The following DST variants were observed in gnomAD, a reference collection of about 807,000 sequenced individuals.
DST encodes dystonin.
A neutral mutation model predicts 875.2 loss-of-function variants in DST; 253 were observed. That is an observed-to-expected ratio of 0.29 (90% CI 0.26 to 0.32). DST has a LOEUF of 0.32. Ranked by LOEUF, DST falls within the 10% of genes least tolerant of loss-of-function variation. The pLI is 1.00. For synonymous variants in DST, 3,124 were observed against 3,197.1 expected (o/e 0.98, Z 0.77); for missense variants, 8,287 against 9,111.6 (o/e 0.91, Z 3.68).
Position 56,606,563 on chromosome 6 carries a change from G to A in DST, c.8065C>T (p.Gln2689Ter). Residue 2689 changes from glutamine to a stop codon, truncating the protein, a stop_gained, in exon 40 of 104, where the codon CAG becomes TAG. Coordinates refer to ENST00000680361, the MANE Select transcript of DST (RefSeq NM_001374736.1). LOFTEE classifies it high-confidence loss of function. ...TTCTCAACATCCATAAGGAAATCCT[G>A]AAGACAATGTGCTTTGTTCTTCACA... ...LSVKNKAHCLQDFLMDVEKDE... is the reference protein window; with the variant it reads ...LSVKNKAHCL The A allele has an allele frequency of 6.2e-7, 1 of 1,613,490 alleles. No homozygotes were observed. The highest frequency in any genetic ancestry group is 8.5e-7 in the Non-Finnish European group (1 of 1,179,624).
chr6:56,518,958 G>A (rs771150472), intron 69 of DST, among the ~76,000 whole-genome samples: 3 of 152,150 alleles, frequency 2.0e-5, no homozygotes, highest in Admixed American at 6.5e-5. Context: ...GCCAACTCAT[G>A]GGAAGATGGA....
intron 82 of DST, among the ~76,000 whole-genome samples, chr6:56,496,816 A>G (rs1463648772): frequency 1.3e-5 from 2 of 152,176 alleles, no homozygotes; most frequent in African/African-American, 4.8e-5. Context: ...CATATACACC[A>G]TGGAATACTA....
At chr6:56,602,055 G>A in intron 43 of DST, 1 of 404,034 alleles carries the variant, frequency 2.5e-6, no homozygotes, top group Admixed American at 3.6e-5. Flanking sequence ...ATGTAATTGT[G>A]GTAAGATATA....
chr6:56,801,574 T>G (rs1162063015), intron 4 of DST, among the ~76,000 whole-genome samples: 1 of 152,040 alleles, frequency 6.6e-6, no homozygotes, highest in Non-Finnish European at 1.5e-5. Context: ...CCGCCAAATA[T>G]GTAACTTCAT....
intron 22 of DST, among the ~76,000 whole-genome samples, chr6:56,637,882 T>G (rs1269492144): frequency 2.0e-5 from 3 of 152,150 alleles, no homozygotes; most frequent in African/African-American, 7.2e-5. Context: ...GAATGTATGA[T>G]GCAGCATTGA....
intron 80 of DST, among the ~76,000 whole-genome samples, chr6:56,500,378 A>G (rs546886847): frequency 6.6e-6 from 1 of 152,176 alleles, no homozygotes; most frequent in East Asian, 1.9e-4. Context: ...AAGAAGTGTC[A>G]CAAAGGTGAC....
intron 3 of DST, chr6:56,851,814 C>T: frequency 9.0e-6 from 14 of 1,551,638 alleles, no homozygotes; most frequent in Non-Finnish European, 9.6e-6. Context: ...AGTCTCCAAT[C>T]GTAAAAACAA....
At chr6:56,494,518 GA>G (rs2095849085) in intron 82 of DST, among the ~76,000 whole-genome samples, 1 of 152,050 alleles carries the variant, frequency 6.6e-6, no homozygotes, top group Admixed American at 6.6e-5. Context: ...TCATCTCTCT[GA>G]GCCTCAATTC....
At position 56,714,111 on chromosome 6, in the gene DST, T is replaced by C. The variant is rs1390806052; in HGVS notation, c.688-9742A>G. On this transcript the variant is annotated intron_variant, in intron 5 of 103. Transcript: ENST00000680361. This position sits in a 1 kb window ranked among gnomAD's most constrained non-coding sequence, Gnocchi z 4.5. ...AACACCTCTTCCCTGTCAAAGAATG[T>C]TTCCTTAAATCCAGATGACACTCCA... Among the ~76,000 whole-genome samples, 1 of 152,182 alleles carries C rather than the reference T, an allele frequency of 6.6e-6. No individual in the cohort carries two copies. Among genetic ancestry groups the C allele is most frequent in the South Asian group, 2.1e-4 (1 of 4,826 alleles).
intron 4 of DST, among the ~76,000 whole-genome samples, chr6:56,776,574 C>A (rs1034035057): frequency 6.6e-5 from 10 of 152,050 alleles, no homozygotes; most frequent in African/African-American, 2.4e-4. Flanking sequence ...TAAAATCTAT[C>A]CTAAATCTAA....
At chr6:56,893,588 A>ATTTTTTTTTTTTTTTTTTTTTTTTT (rs1788963958) in intron 3 of DST, among the ~76,000 whole-genome samples, 1 of 65,140 alleles carries the variant, frequency 1.5e-5, no homozygotes, top group African/African-American at 9.0e-5. Context: ...TTTTTTTTTT[A>ATTTTTTTTTTTTTTTTTTTTTTTTT]TTTTTTTTTA....
rs929147868 is a variant in DST, at chr6:56,888,656, G to A, written c.417+11765C>T. ...CCTGCTATATTTTCAAGAGATCAAG[G>A]ATATATGCTTAAGTCTTTCCTACAC... is the stretch of plus-strand genomic sequence containing the variant. On this transcript the variant is annotated intron_variant, in intron 3 of 103. Transcript: ENST00000680361. Among the ~76,000 whole-genome samples the A allele has an allele frequency of 3.3e-5, 5 of 152,098 alleles. No individual in the cohort carries two copies. The South Asian group carries it at 1.0e-3, about 32-fold the overall frequency.
intron 5 of DST, among the ~76,000 whole-genome samples, chr6:56,706,230 C>T (rs1232301026): frequency 6.6e-6 from 1 of 151,780 alleles, no homozygotes; most frequent in Non-Finnish European, 1.5e-5. Context: ...AGGAGAATCA[C>T]TTGAACTCAG....
intron 9 of DST, among the ~76,000 whole-genome samples, chr6:56,687,038 C>T: frequency 6.6e-6 from 1 of 152,202 alleles, no homozygotes; most frequent in East Asian, 1.9e-4. Context: ...CCCCGTAACA[C>T]TGCTGAGGGA....
At chr6:56,942,479 T>C (rs866813125) in intron 2 of DST, among the ~76,000 whole-genome samples, 3 of 152,162 alleles carry the variant, frequency 2.0e-5, no homozygotes, top group Middle Eastern at 3.2e-3. Context: ...GTTTCCTTTT[T>C]TTAATTAGTT....
Position 56,463,071 on chromosome 6 carries a change from G to A in DST, c.23045C>T (p.Ser7682Leu). ...CTCTGCAGATGGCACGGGAAAGTCT[G>A]AGCACTCTGCTGCTTTACAAGGAGT... ...MSTPCKAAEC[S>L]DFPVPSAEGT... Residue 7682 changes from serine to leucine, a missense_variant, in exon 102 of 104, where the codon TCA becomes TTA. Physicochemically the swap from Ser to Leu is moderately radical, Grantham distance 145 (BLOSUM62 -2). Around this residue, in one of 10 missense-constraint regions of DST, gnomAD observed 240 missense variants for 237.3 expected, o/e 1.01. Transcript: ENST00000680361. 1 of 1,613,048 alleles carries A rather than the reference G, an allele frequency of 6.2e-7. No homozygotes were observed. The highest frequency in any genetic ancestry group is 1.1e-5 in the South Asian group (1 of 90,936).
intron 50 of DST, among the ~76,000 whole-genome samples, chr6:56,577,384 G>A (rs914283653): frequency 4.6e-5 from 7 of 152,096 alleles, no homozygotes; most frequent in African/African-American, 1.7e-4. Context: ...GGAACAAAAT[G>A]TTAGAACTTC....
chr6:56,498,997 G>A (rs1165823781), intron 80 of DST, among the ~76,000 whole-genome samples: 1 of 152,130 alleles, frequency 6.6e-6, no homozygotes, highest in East Asian at 1.9e-4. Context: ...GGTAAGTGCA[G>A]AAAGCAACCC....
chr6:56,479,790 CAGGG>C (rs2095339935), intron 90 of DST, among the ~76,000 whole-genome samples: 1 of 152,184 alleles, frequency 6.6e-6, no homozygotes. Flanking sequence ...CGGAGGATCA[CAGGG>C]GCCTGAGAGT....
Sources: allele counts gnomAD v4.1 joint callset (sites outside exome capture counted in the v4.1 genomes callset), GRCh38; gene constraint gnomAD v4.1.1; regional missense constraint gnomAD v4.1.1; non-coding constraint Gnocchi (gnomAD v3.1); transcripts MANE v1.5; gene names NCBI Gene and HGNC (gene_info 2026-07-23, HGNC 2026-07-21).